The following LAMA1 variants were observed in gnomAD, a reference collection of about 807,000 sequenced individuals.
LAMA1 encodes the protein laminin subunit alpha-1.
Under a neutral mutation model 348.7 loss-of-function variants are expected in LAMA1, and 219 were observed. That is an observed-to-expected ratio of 0.63 (90% confidence interval 0.56 to 0.70). LAMA1 has a LOEUF of 0.70. Ranked by LOEUF, LAMA1 falls within the 30% of genes least tolerant of loss-of-function variation. LAMA1 has a pLI of 0.00. For synonymous variants in LAMA1, 1,487 were observed against 1,491.0 expected (o/e 1.00, Z 0.06); for missense variants, 3,744 against 3,888.0 (o/e 0.96, Z 0.99).
intron 14 of LAMA1, among the ~76,000 whole-genome samples, chr18:7,034,181 G>A (rs576376924): frequency 6.6e-6 from 1 of 152,308 alleles, no homozygotes; most frequent in East Asian, 1.9e-4. Context: ...AGAACCAGGT[G>A]CAACATGGTC....
chr18:7,044,162 CA>C (rs60402984), intron 7 of LAMA1, among the ~76,000 whole-genome samples: 2,779 of 40,210 alleles, frequency 0.069, 28 homozygotes, highest in East Asian at 0.22. Context: ...GACTCCATCT[CA>C]AAAAAAAAAA....
rs2057927322 is a variant in LAMA1 at position 7,023,360 on chromosome 18, G to A, written c.2505C>T (p.Tyr835=). 3.7e-6 allele frequency: 6 copies of A among 1,614,152 alleles called. No homozygotes were observed. The South Asian group carries it at 4.4e-5, about 12-fold the overall frequency. ...CGCCAGGCACTGTTGGGTTTCCATA[G>A]TAACCATCTGCACATCTGTATCAAA... The part of the protein sequence containing the change: ...GAWCERCADG[Y]YGNPTVPGES... The change falls in exon 19 of 63, where the codon TAC becomes TAT. Residue 835 remains tyrosine, a synonymous_variant. Transcript: ENST00000389658.
intron 19 of LAMA1, among the ~76,000 whole-genome samples, chr18:7,022,855 C>T (rs1284878072): frequency 6.6e-6 from 1 of 152,168 alleles, no homozygotes; most frequent in African/African-American, 2.4e-5. Context: ...CTGAGCTTCC[C>T]CACTTTCATT....
intron 29 of LAMA1, among the ~76,000 whole-genome samples, chr18:7,006,379 T>A (rs931375294): frequency 2.6e-4 from 39 of 152,006 alleles, no homozygotes; most frequent in Admixed American, 7.9e-4. Flanking sequence ...TGCATTTTTT[T>A]AAAAAATGCA....
chr18:7,019,838 C>T (rs1051071711), intron 19 of LAMA1, among the ~76,000 whole-genome samples: 18 of 151,660 alleles, frequency 1.2e-4, no homozygotes, highest in Non-Finnish European at 2.5e-4. Flanking sequence ...CTCACCACCA[C>T]GCCCAGCTAA....
intron 50 of LAMA1, 77 bp from the exon 51 acceptor site, chr18:6,964,880 A>C: frequency 1.3e-6 from 2 of 1,511,678 alleles, no homozygotes; most frequent in South Asian, 2.3e-5. Flanking sequence ...AACTTCTGGC[A>C]ACAAAGCTCA....
chr18:7,003,567 C>A (rs1175195233), intron 29 of LAMA1, among the ~76,000 whole-genome samples: 1 of 152,116 alleles, frequency 6.6e-6, no homozygotes, highest in African/African-American at 2.4e-5. Flanking sequence ...CAAAAAGGTA[C>A]ACATTTTTAA....
intron 19 of LAMA1, among the ~76,000 whole-genome samples, chr18:7,019,410 A>G (rs1431103082): frequency 6.6e-6 from 1 of 151,996 alleles, no homozygotes; most frequent in African/African-American, 2.4e-5. Context: ...TCTCTGGGGA[A>G]TATTTAAAGT....
chr18:6,975,412 A>G (rs1468765286), intron 45 of LAMA1, among the ~76,000 whole-genome samples: 3 of 152,228 alleles, frequency 2.0e-5, no homozygotes, highest in African/African-American at 7.2e-5. Context: ...GCAGTAAGAC[A>G]GGAGCCATGA....
At chr18:7,029,973 AT>A (rs1402123623) in intron 16 of LAMA1, among the ~76,000 whole-genome samples, 1 of 147,480 alleles carries the variant, frequency 6.8e-6, no homozygotes, top group Non-Finnish European at 1.5e-5. Context: ...TTTACAATAT[AT>A]TAGAAAAAAA....
Position 6,973,083 on chromosome 18 carries a change from C to A in LAMA1, c.6748G>T (p.Val2250Phe), listed in dbSNP as rs933148971. 2 of 1,614,190 alleles carry A rather than the reference C, an allele frequency of 1.2e-6. No homozygotes were observed. The highest frequency in any genetic ancestry group is 1.7e-6 in the Non-Finnish European group (2 of 1,180,012). The change falls in exon 47 of 63, where the codon GTT (valine) becomes TTT (phenylalanine). Residue 2250 changes from valine to phenylalanine, a missense_variant. Coordinates refer to ENST00000389658, the MANE Select transcript of LAMA1 (RefSeq NM_005559.4). ...LDVNNSTLMF[V>F]GGLGGQIKKS... ...TTGATTTGTCCTCCAAGACCTCCAA[C>A]AAACATGAGTGTTGAATTGTTTACA...
At chr18:7,012,220 A>T (rs1333518604) in intron 23 of LAMA1, 82 bp from the exon 24 acceptor site, 8 of 1,431,248 alleles carry the variant, frequency 5.6e-6, no homozygotes, top group Non-Finnish European at 7.8e-6. Flanking sequence ...AATAGAGCAC[A>T]AACATAATTT....
chr18:6,995,365 G>C lies in LAMA1; in HGVS notation c.4888C>G (p.Gln1630Glu). The C allele has an allele frequency of 6.2e-7, 1 of 1,611,440 alleles. No homozygotes were observed. The highest frequency in any genetic ancestry group is 8.5e-7 in the Non-Finnish European group (1 of 1,177,504). ...TTATGGAAAGAATTTACCTTCTTTT[G>C]CAGGTTGTCCGTTTCTTCTGCAACA... ...EGVAEETDNL[Q>E]KKLTRMLAST... The change falls in exon 34 of 63, where the codon CAA (glutamine) becomes GAA (glutamate). Residue 1630 changes from glutamine (Q) to glutamate (E), a missense_variant. Around this residue, in one of 3 missense-constraint regions of LAMA1, gnomAD observed 1,983 missense variants for 1,934.3 expected, o/e 1.03. Transcript: ENST00000389658.
At chr18:6,961,496 A>G in intron 53 of LAMA1, 90 bp downstream of exon 53, 1 of 1,477,922 alleles carries the variant, frequency 6.8e-7, no homozygotes, top group Non-Finnish European at 9.3e-7. Flanking sequence ...ACACGGTGAC[A>G]ATAAATGTTT....
At chr18:7,025,597 C>T (rs1461782100) in intron 17 of LAMA1, among the ~76,000 whole-genome samples, 5 of 152,174 alleles carry the variant, frequency 3.3e-5, no homozygotes, top group African/African-American at 7.2e-5. Flanking sequence ...TAGCCTCATG[C>T]GTACATATTT....
intron 1 of LAMA1, among the ~76,000 whole-genome samples, chr18:7,092,727 G>A (rs966606123): frequency 1.3e-5 from 2 of 151,880 alleles, no homozygotes; most frequent in Non-Finnish European, 2.9e-5. Context: ...TGAACTTGCA[G>A]CAGCTTTTGT....
At chr18:7,107,709 C>A (rs1345368134) in intron 1 of LAMA1, among the ~76,000 whole-genome samples, 1 of 152,182 alleles carries the variant, frequency 6.6e-6, no homozygotes, top group African/African-American at 2.4e-5. Flanking sequence ...CTATTCTCCT[C>A]TCCAATGAGG....
chr18:7,065,302 G>T (rs1378227129), intron 3 of LAMA1, among the ~76,000 whole-genome samples: 3 of 151,276 alleles, frequency 2.0e-5, no homozygotes, highest in African/African-American at 7.3e-5. Context: ...AGAGGGGTGT[G>T]GGGGAATTCT....
chr18:7,107,259 C>T (rs1159512551), intron 1 of LAMA1, among the ~76,000 whole-genome samples: 2 of 151,844 alleles, frequency 1.3e-5, no homozygotes, highest in African/African-American at 4.8e-5. Context: ...GCTAGGACTA[C>T]AGGCACCCGC....
Sources: gnomAD v4.1 joint callset for allele counts (sites outside exome capture counted in the v4.1 genomes callset) on GRCh38, gnomAD v4.1.1 for gene constraint, gnomAD v4.1.1 regional missense constraint, MANE v1.5 for transcripts, NCBI Gene and HGNC (gene_info 2026-07-23, HGNC 2026-07-21) for gene names.